GRIK2: variants seen among roughly 807,000 people sequenced by gnomAD.
GRIK2 encodes glutamate ionotropic receptor kainate type subunit 2.
GRIK2 carries 32 observed loss-of-function variants against 100.3 expected under a neutral mutation model. The observed-to-expected ratio is 0.32, with a 90% CI of 0.24 to 0.43. The LOEUF (loss-of-function observed/expected upper bound fraction) is 0.43. GRIK2 is among the 20% of genes least tolerant of loss of function. The pLI is 1.00. For missense variants in GRIK2, 843 were observed against 1,114.9 expected, an observed-to-expected ratio of 0.76 and a Z score of 3.47; for synonymous variants, 417 against 389.4, an observed-to-expected ratio of 1.07 and a Z score of -0.83.
intron 2 of GRIK2, among the ~76,000 whole-genome samples, chr6:101,527,117 G>T (rs1434205607): frequency 2.6e-5 from 4 of 152,174 alleles, no homozygotes; most frequent in Admixed American, 6.6e-5. Flanking sequence ...ATTAAAGGTT[G>T]CAGGGAGATC....
At chr6:101,656,217 C>A (rs892583857) in intron 4 of GRIK2, among the ~76,000 whole-genome samples, 1 of 150,832 alleles carries the variant, frequency 6.6e-6, no homozygotes, top group Non-Finnish European at 1.5e-5. Flanking sequence ...GCAGGAGAAT[C>A]GCTTGAACCT....
At chr6:101,709,919 TTC>T (rs534760257) in intron 7 of GRIK2, among the ~76,000 whole-genome samples, 2 of 151,928 alleles carry the variant, frequency 1.3e-5, no homozygotes, top group East Asian at 3.9e-4. Flanking sequence ...CGTTCAGCCT[TTC>T]TCTCATAGGG....
chr6:102,001,681 C>A (rs1448296245), intron 14 of GRIK2, among the ~76,000 whole-genome samples: 1 of 152,000 alleles, frequency 6.6e-6, no homozygotes, highest in African/African-American at 2.4e-5. Flanking sequence ...GGATTTGAAT[C>A]TTTTCTTATC....
At chr6:101,406,179 G>T (rs1343398505) in intron 2 of GRIK2, among the ~76,000 whole-genome samples, 1 of 152,098 alleles carries the variant, frequency 6.6e-6, no homozygotes, top group African/African-American at 2.4e-5. Context: ...GGTAAAGTGA[G>T]TGGGGAGTTT....
At chr6:101,861,196 G>A (rs1538793) in intron 11 of GRIK2, among the ~76,000 whole-genome samples, 12,078 of 152,060 alleles carry the variant, frequency 0.079, 547 homozygotes, top group Non-Finnish European at 0.091. Flanking sequence ...CTAACACAGC[G>A]TCTGACATAT....
At chr6:101,795,209 T>A (rs1297028973) in intron 7 of GRIK2, among the ~76,000 whole-genome samples, 3 of 152,066 alleles carry the variant, frequency 2.0e-5, no homozygotes, top group Non-Finnish European at 4.4e-5. Context: ...TAAGGGAAAA[T>A]TTTTCCTATG....
intron 2 of GRIK2, among the ~76,000 whole-genome samples, chr6:101,488,425 A>G (rs1051991172): frequency 6.8e-6 from 1 of 146,966 alleles, no homozygotes; most frequent in Admixed American, 6.8e-5. Context: ...AGAAGAAAAC[A>G]GTGTTTATAA....
At chr6:101,654,918 T>A (rs1428971451) in intron 4 of GRIK2, among the ~76,000 whole-genome samples, 1 of 152,196 alleles carries the variant, frequency 6.6e-6, no homozygotes, top group Non-Finnish European at 1.5e-5. Context: ...TGTCTTTTAC[T>A]GAAATTAAAA....
intron 2 of GRIK2, among the ~76,000 whole-genome samples, chr6:101,593,425 A>T (rs564216582): frequency 5.9e-5 from 9 of 152,038 alleles, no homozygotes; most frequent in African/African-American, 1.9e-4. Context: ...TATATTTTAC[A>T]GAGTGCTTTC....
At chr6:101,448,369 G>C (rs1346224851) in intron 2 of GRIK2, among the ~76,000 whole-genome samples, 1 of 151,632 alleles carries the variant, frequency 6.6e-6, no homozygotes, top group Non-Finnish European at 1.5e-5. Context: ...CAAAGTGTAA[G>C]AAGTTATTTA....
intron 10 of GRIK2, among the ~76,000 whole-genome samples, chr6:101,838,719 T>A (rs1386249165): frequency 6.6e-6 from 1 of 151,656 alleles, no homozygotes; most frequent in Non-Finnish European, 1.5e-5. Flanking sequence ...TGGTGCGATC[T>A]CGGCTCACTG....
At chr6:101,734,628 C>A (rs556855219) in intron 7 of GRIK2, among the ~76,000 whole-genome samples, 1 of 152,114 alleles carries the variant, frequency 6.6e-6, no homozygotes, top group African/African-American at 2.4e-5. Context: ...CACAGGGAGC[C>A]TAGAGGTAAA....
intron 14 of GRIK2, among the ~76,000 whole-genome samples, chr6:102,022,027 T>C (rs1769448584): frequency 6.7e-6 from 1 of 150,244 alleles, no homozygotes; most frequent in African/African-American, 2.4e-5. Context: ...GATATTAATA[T>C]AAATAATTTA....
intron 14 of GRIK2, among the ~76,000 whole-genome samples, chr6:102,010,777 C>T (rs189686019): frequency 7.6e-4 from 115 of 151,866 alleles, no homozygotes; most frequent in Non-Finnish European, 1.3e-3. Context: ...TAGAATTATA[C>T]AGTAAGTAGT....
At chr6:101,474,090 A>G (rs1354046545) in intron 2 of GRIK2, among the ~76,000 whole-genome samples, 1 of 151,854 alleles carries the variant, frequency 6.6e-6, no homozygotes, top group African/African-American at 2.4e-5. Context: ...AGGTGGTTGT[A>G]AACTGATTTG....
At chr6:101,544,755 C>T (rs1776156927) in intron 2 of GRIK2, among the ~76,000 whole-genome samples, 1 of 152,166 alleles carries the variant, frequency 6.6e-6, no homozygotes, top group South Asian at 2.1e-4. Flanking sequence ...ATTCTGCTCA[C>T]TATGCAGTTT....
chr6:101,401,119 T>G (rs1361487029), intron 2 of GRIK2, among the ~76,000 whole-genome samples: 2 of 152,192 alleles, frequency 1.3e-5, no homozygotes, highest in Non-Finnish European at 2.9e-5. Context: ...TGTGGAATCC[T>G]GAAGAATTCT....
chr6:102,033,437 G>T (rs899015518), intron 14 of GRIK2, among the ~76,000 whole-genome samples: 1 of 151,202 alleles, frequency 6.6e-6, no homozygotes, highest in African/African-American at 2.4e-5. Context: ...TGGGTTGGGG[G>T]AGTCATCATG....
intron 11 of GRIK2, among the ~76,000 whole-genome samples, chr6:101,860,631 A>AG (rs1234663753): frequency 6.6e-6 from 1 of 152,162 alleles, no homozygotes; most frequent in African/African-American, 2.4e-5. Flanking sequence ...AAATAAGGAA[A>AG]GGCAGCATCA....
Sources: gnomAD v4.1 joint callset for allele counts (sites outside exome capture counted in the v4.1 genomes callset) on GRCh38, gnomAD v4.1.1 for gene constraint, MANE v1.5 for transcripts, NCBI Gene and HGNC (gene_info 2026-07-23, HGNC 2026-07-21) for gene names.